Variants in ENOX2 observed in about 807,000 individuals in gnomAD.
The protein encoded by ENOX2 is APK1 antigen.
ENOX2 carries 36 observed loss-of-function variants against 45.0 expected under a neutral mutation model. The observed-to-expected ratio is 0.80, with a 90% CI of 0.61 to 1.06. ENOX2 has a LOEUF of 1.06. Among genes scored for constraint, ENOX2 ranks in the 50% least tolerant of loss-of-function variants. The probability of loss-of-function intolerance (pLI) is 0.00; values close to 1 mark genes in which losing one functional copy is unlikely to be tolerated. For missense variants in ENOX2, 423 were observed against 462.5 expected (o/e 0.91, Z 0.78); for synonymous variants, 174 against 152.3 (o/e 1.14, Z -1.05).
At chrX:130,886,497 C>T (rs997339776) in intron 2 of ENOX2, among the ~76,000 whole-genome samples, 1 of 112,031 alleles carries the variant, frequency 8.9e-6, no homozygotes. Flanking sequence ...AAAACATTCG[C>T]CCATACCTGA....
At chrX:130,798,777 G>A (rs1028142974) in intron 2 of ENOX2, among the ~76,000 whole-genome samples, 2 of 111,437 alleles carry the variant, frequency 1.8e-5, no homozygotes, top group African/African-American at 6.5e-5. Context: ...GGGACTCCAG[G>A]CCACTCACCC....
chrX:130,677,852 C>T (rs539808104), intron 6 of ENOX2, among the ~76,000 whole-genome samples: 68 of 110,884 alleles, frequency 6.1e-4, no homozygotes, highest in South Asian at 2.7e-3. Context: ...TTTGGGAAGC[C>T]GAGGTGGGTG....
At chrX:130,732,481 T>G (rs928240976) in intron 3 of ENOX2, among the ~76,000 whole-genome samples, 3 of 111,927 alleles carry the variant, frequency 2.7e-5, no homozygotes, top group Non-Finnish European at 5.6e-5. Flanking sequence ...GACATTTTAT[T>G]TTCACAGAAA....
At chrX:130,742,127 C>T (rs772115131) in intron 3 of ENOX2, among the ~76,000 whole-genome samples, 1 of 109,939 alleles carries the variant, frequency 9.1e-6, no homozygotes, top group East Asian at 2.8e-4. Context: ...GCTGAGCTTG[C>T]TGGCTGTCAC....
intron 2 of ENOX2, among the ~76,000 whole-genome samples, chrX:130,872,331 T>C (rs1191433243): frequency 1.8e-5 from 2 of 112,644 alleles, no homozygotes; most frequent in African/African-American, 6.4e-5. Flanking sequence ...TCAGTGATTT[T>C]CAGCTAGGCT....
At chrX:130,814,401 A>G (rs1472100992) in intron 2 of ENOX2, among the ~76,000 whole-genome samples, 4 of 112,062 alleles carry the variant, frequency 3.6e-5, no homozygotes, top group Admixed American at 1.9e-4. Context: ...CTGCTAAGAG[A>G]CAGACTGCCT....
chrX:130,881,835 A>T (rs2078816683), intron 2 of ENOX2, among the ~76,000 whole-genome samples: 1 of 112,020 alleles, frequency 8.9e-6, no homozygotes, highest in Non-Finnish European at 1.9e-5. Flanking sequence ...GCAAAGCAGA[A>T]GCAATTTAGC....
At chrX:130,897,070 A>C (rs901124552) in intron 2 of ENOX2, among the ~76,000 whole-genome samples, 1 of 112,468 alleles carries the variant, frequency 8.9e-6, no homozygotes, top group African/African-American at 3.2e-5. Context: ...ACATTTAAAA[A>C]AATAAATTAA....
In ENOX2 at chrX:130,741,711, A is replaced by C. The variant is rs144173145; in HGVS notation, c.-38-38457T>G. On this transcript the variant is annotated intron_variant, in intron 3 of 14. Transcript: ENST00000394363. ...GGTCATGAATGTGGCGCATGCTTTCAAAATAGGAGCCCAGGGACATCGCTG... is the reference window on the plus strand; with the variant it reads ...GGTCATGAATGTGGCGCATGCTTTCCAAATAGGAGCCCAGGGACATCGCTG... Among the ~76,000 whole-genome samples, 28 of 111,548 alleles carry C rather than the reference A, an allele frequency of 2.5e-4. No individual in the cohort carries two copies. The East Asian group carries it at 7.9e-3, about 31-fold the overall frequency.
At chrX:130,766,023 A>C (rs1262760525) in intron 3 of ENOX2, among the ~76,000 whole-genome samples, 2 of 111,539 alleles carry the variant, frequency 1.8e-5, no homozygotes, top group Non-Finnish European at 3.8e-5. Flanking sequence ...TATTATTCTA[A>C]TTACATAAGA....
At chrX:130,859,896 C>T in intron 2 of ENOX2, among the ~76,000 whole-genome samples, 1 of 111,265 alleles carries the variant, frequency 9.0e-6, no homozygotes, top group Non-Finnish European at 1.9e-5. Context: ...GATTTTCCTC[C>T]TACTCCTGCT....
At chrX:130,680,124 C>G (rs1316247241) in intron 5 of ENOX2, among the ~76,000 whole-genome samples, 2 of 111,911 alleles carry the variant, frequency 1.8e-5, no homozygotes, top group Non-Finnish European at 3.8e-5. Context: ...TTCAAGAGTT[C>G]TCAGAACCAG....
At chrX:130,640,132 T>C (rs2036039587) in intron 10 of ENOX2, among the ~76,000 whole-genome samples, 1 of 111,669 alleles carries the variant, frequency 9.0e-6, no homozygotes, top group South Asian at 3.8e-4. Context: ...ACTAATCCCA[T>C]TCATGAAGGC....
intron 3 of ENOX2, among the ~76,000 whole-genome samples, chrX:130,745,548 T>C (rs1159964598): frequency 1.6e-4 from 18 of 112,240 alleles, no homozygotes; most frequent in African/African-American, 5.5e-4. Context: ...TTTGAAGAGC[T>C]ATTGGAGAAT....
At chrX:130,818,139 T>C (rs767765759) in intron 2 of ENOX2, among the ~76,000 whole-genome samples, 2 of 111,769 alleles carry the variant, frequency 1.8e-5, no homozygotes, top group Non-Finnish European at 3.8e-5. Flanking sequence ...AGCCAAATCA[T>C]GAGTGAACTC....
At chrX:130,784,680 C>T in intron 2 of ENOX2, among the ~76,000 whole-genome samples, 1 of 106,577 alleles carries the variant, frequency 9.4e-6, no homozygotes, top group Non-Finnish European at 1.9e-5. Context: ...CCCCACCTCC[C>T]GGGTTCAAGC....
intron 10 of ENOX2, among the ~76,000 whole-genome samples, chrX:130,638,431 AACACACACAC>A (rs34648095): frequency 6.1e-4 from 57 of 92,775 alleles, no homozygotes; most frequent in African/African-American, 1.9e-3. Flanking sequence ...AACAATTTGA[AACACACACAC>A]ACACACACAC....
At chrX:130,647,943 A>C (rs2036284011) in intron 10 of ENOX2, among the ~76,000 whole-genome samples, 1 of 111,887 alleles carries the variant, frequency 8.9e-6, no homozygotes. Context: ...AGATCTCAAG[A>C]AATCTATTCC....
intron 5 of ENOX2, 133 bp downstream of exon 5, chrX:130,688,730 C>A (rs997236522): frequency 1.8e-5 from 9 of 503,763 alleles, no homozygotes; most frequent in Non-Finnish European, 2.5e-5. Flanking sequence ...GAAAATTTTC[C>A]TGTCTTCTGT....
Sources: allele counts gnomAD v4.1 joint callset (sites outside exome capture counted in the v4.1 genomes callset), GRCh38; gene constraint gnomAD v4.1.1; transcripts MANE v1.5; gene names NCBI Gene and HGNC (gene_info 2026-07-23, HGNC 2026-07-21).